DNAJC15: variants seen among roughly 807,000 people sequenced by gnomAD.
DNAJC15 encodes dnaJ homolog subfamily C member 15.
In DNAJC15, 27 loss-of-function variants were observed where a neutral mutation model predicts 22.4. The observed-to-expected ratio is 1.20, with a 90% CI of 0.89 to 1.66. The LOEUF (loss-of-function observed/expected upper bound fraction) is 1.66. DNAJC15 is among the 40% of genes most tolerant of loss of function. The pLI is 0.00. For synonymous variants in DNAJC15, 79 were observed against 63.2 expected (o/e 1.25, Z -1.19); for missense variants, 208 against 187.1 (o/e 1.11, Z -0.65).
chr13:43,041,367 A>T (rs2040452970), intron 1 of DNAJC15, among the ~76,000 whole-genome samples: 1 of 152,236 alleles, frequency 6.6e-6, no homozygotes, highest in African/African-American at 2.4e-5. Context: ...TTCAGGGAGC[A>T]CAGGGTTGGG....
intron 1 of DNAJC15, among the ~76,000 whole-genome samples, chr13:43,042,319 C>T (rs1404958571): frequency 6.6e-6 from 1 of 152,128 alleles, no homozygotes; most frequent in African/African-American, 2.4e-5. Context: ...GTCTCTCTTT[C>T]TCTGGAAATA....
intron 1 of DNAJC15, among the ~76,000 whole-genome samples, chr13:43,037,111 C>T (rs371988629): frequency 6.6e-6 from 1 of 152,244 alleles, no homozygotes. Flanking sequence ...CCCATGGTGC[C>T]TCCCGCTCTG....
chr13:43,107,412 CTTT>C lies in DNAJC15; in HGVS notation c.*167_*169del. The C allele has an allele frequency of 2.2e-6, 1 of 453,342 alleles. No homozygotes were observed. The highest frequency in any genetic ancestry group is 3.8e-6 in the Non-Finnish European group (1 of 265,248). 28.1% of individuals were successfully genotyped at this position (453,342 alleles called of 1,614,324 possible). ...TAACAATAAAATGTTAATAGTCTTG[CTTT>C]TTATTATCTTTTAAAGATCTCCTTA... On this transcript the variant is annotated 3_prime_UTR_variant, in exon 6 of 6. Coordinates refer to ENST00000379221, the MANE Select transcript of DNAJC15 (RefSeq NM_013238.3).
chr13:43,052,913 T>C (rs2040512327), intron 1 of DNAJC15, among the ~76,000 whole-genome samples: 1 of 152,184 alleles, frequency 6.6e-6, no homozygotes, highest in African/African-American at 2.4e-5. Flanking sequence ...CATCTATTTA[T>C]ATTAGTTTTT....
chr13:43,095,109 GA>G (rs1165213983), intron 5 of DNAJC15, among the ~76,000 whole-genome samples: 1 of 152,112 alleles, frequency 6.6e-6, no homozygotes, highest in Non-Finnish European at 1.5e-5. Context: ...CAAAAGTACA[GA>G]AAGTTACTTT....
chr13:43,036,526 A>G (rs1419006643), intron 1 of DNAJC15, among the ~76,000 whole-genome samples: 1 of 152,110 alleles, frequency 6.6e-6, no homozygotes, highest in Non-Finnish European at 1.5e-5. Context: ...TCATCAATGA[A>G]CTTCATACTC....
chr13:43,034,719 T>G (rs1045077464), intron 1 of DNAJC15, among the ~76,000 whole-genome samples: 2 of 152,232 alleles, frequency 1.3e-5, no homozygotes, highest in Non-Finnish European at 2.9e-5. Flanking sequence ...TTTATTTTGT[T>G]GTTCAAGCTG....
intron 1 of DNAJC15, among the ~76,000 whole-genome samples, chr13:43,042,503 A>G (rs1475676608): frequency 6.6e-6 from 1 of 152,234 alleles, no homozygotes; most frequent in Admixed American, 6.5e-5. Context: ...GCAGGAGTGC[A>G]TTAAGAGTCA....
chr13:43,038,061 CA>C (rs2040436783), intron 1 of DNAJC15, among the ~76,000 whole-genome samples: 1 of 152,126 alleles, frequency 6.6e-6, no homozygotes, highest in South Asian at 2.1e-4. Flanking sequence ...GTTGGGTAGT[CA>C]GATTGTTTCC....
chr13:43,033,586 T>C (rs2040413754), intron 1 of DNAJC15, among the ~76,000 whole-genome samples: 1 of 152,212 alleles, frequency 6.6e-6, no homozygotes, highest in African/African-American at 2.4e-5. Context: ...GTGACAGTTT[T>C]TCAGACTTGC....
In DNAJC15 at chr13:43,085,784, G is replaced by A. The variant is rs2040685066; in HGVS notation, c.328G>A (p.Ala110Thr). 1 of 1,612,810 alleles carries A rather than the reference G, an allele frequency of 6.2e-7. No homozygotes were observed. The highest frequency in any genetic ancestry group is 1.3e-5 in the African/African-American group (1 of 74,980). ...TTTTTACAGCCCATCTGCTGGCAAG[G>A]CTAAGATTAGAACAGCTCATAGGAG... Reference protein sequence around the residue: ...ILGVSPSAGKAKIRTAHRRVM... With the variant: ...ILGVSPSAGKTKIRTAHRRVM... Residue 110 changes from alanine to threonine, a missense_variant, in exon 5 of 6, where the codon GCT (alanine) becomes ACT (threonine). Coordinates refer to ENST00000379221, the MANE Select transcript of DNAJC15 (RefSeq NM_013238.3).
chr13:43,065,409 A>G (rs573233289), intron 1 of DNAJC15, among the ~76,000 whole-genome samples: 14 of 152,334 alleles, frequency 9.2e-5, no homozygotes, highest in African/African-American at 2.9e-4. Context: ...TATAGAAAAA[A>G]TTATAGCAAT....
intron 4 of DNAJC15, among the ~76,000 whole-genome samples, chr13:43,079,623 A>G (rs1251215586): frequency 6.6e-6 from 1 of 152,166 alleles, no homozygotes; most frequent in Non-Finnish European, 1.5e-5. Flanking sequence ...TTTCTTGCTT[A>G]ATATCATTCA....
intron 1 of DNAJC15, among the ~76,000 whole-genome samples, chr13:43,054,489 G>T (rs1364964811): frequency 6.6e-6 from 1 of 152,158 alleles, no homozygotes; most frequent in East Asian, 1.9e-4. Flanking sequence ...TACTAGTTCT[G>T]TTTTGAATGT....
At chr13:43,026,597 A>C (rs933625329) in intron 1 of DNAJC15, among the ~76,000 whole-genome samples, 1 of 152,012 alleles carries the variant, frequency 6.6e-6, no homozygotes, top group African/African-American at 2.4e-5. Context: ...CAAAAGGTAA[A>C]TATTAGGAAA....
At chr13:43,034,900 A>G (rs527319050) in intron 1 of DNAJC15, among the ~76,000 whole-genome samples, 2 of 152,168 alleles carry the variant, frequency 1.3e-5, no homozygotes, top group South Asian at 2.1e-4. Flanking sequence ...CATTTCTCCA[A>G]TGAGTTCTGT....
intron 1 of DNAJC15, among the ~76,000 whole-genome samples, chr13:43,053,678 TGTAAAAGGG>T (rs112774022): frequency 0.22 from 33,418 of 152,000 alleles, 4,349 homozygotes; most frequent in Non-Finnish European, 0.3. Context: ...TTGCAGCTAT[TGTAAAAGGG>T]GTTGAGTTCT....
At position 43,076,813 on chromosome 13, in the gene DNAJC15, CT is replaced by C. The variant is rs2040636004; in HGVS notation, c.235-1798del. Among the ~76,000 whole-genome samples, 3 of 152,194 alleles carry C rather than the reference CT, an allele frequency of 2.0e-5. No individual in the cohort carries two copies. In the South Asian group the frequency reaches 6.2e-4, roughly 31 times the overall value. On this transcript the variant is annotated intron_variant, in intron 3 of 5. Coordinates refer to ENST00000379221, the MANE Select transcript of DNAJC15 (RefSeq NM_013238.3). ...GCTCACCTCACTTTCTGCAGCTCTTCTCAGTTTTTGATGTCCTCTTTGCTAA... is the reference window on the plus strand; with the variant it reads ...GCTCACCTCACTTTCTGCAGCTCTTCCAGTTTTTGATGTCCTCTTTGCTAA...
At chr13:43,031,651 C>A (rs1293585136) in intron 1 of DNAJC15, among the ~76,000 whole-genome samples, 5 of 152,168 alleles carry the variant, frequency 3.3e-5, no homozygotes, top group Non-Finnish European at 7.3e-5. Context: ...ATATAATAAT[C>A]CTAGCAGGTA....
Sources: allele counts gnomAD v4.1 joint callset (sites outside exome capture counted in the v4.1 genomes callset), GRCh38; gene constraint gnomAD v4.1.1; transcripts MANE v1.5; gene names NCBI Gene and HGNC (gene_info 2026-07-23, HGNC 2026-07-21).